The following KIFAP3 variants were observed in gnomAD, a reference collection of about 807,000 sequenced individuals.
KIFAP3 encodes kinesin associated protein 3.
Under a neutral mutation model 106.5 loss-of-function variants are expected in KIFAP3, and 68 were observed. The ratio of observed to expected loss-of-function variants is 0.64; its 90% CI spans 0.53 to 0.78. KIFAP3 has a LOEUF of 0.78. Among genes scored for constraint, KIFAP3 ranks in the 30% least tolerant of loss-of-function variants. KIFAP3 has a pLI of 0.00. For missense variants in KIFAP3, 780 were observed against 941.8 expected (o/e 0.83, Z 2.25); for synonymous variants, 320 against 311.5 (o/e 1.03, Z -0.29).
In KIFAP3 at chr1:170,016,387, T is replaced by G. The variant is rs1668518215; in HGVS notation, c.1183+75A>C. ...AGAATGCTTTTTGTTCAGGAGGCTT[T>G]TCAACACAGAGCTCAATTTTCCAGC... On this transcript the variant is annotated intron_variant, in intron 10 of 19. Transcript: ENST00000361580. 9.1e-6 allele frequency: 11 copies of G among 1,212,594 alleles called. No individual in the cohort carries two copies. In the South Asian group the frequency reaches 1.5e-4, roughly 17 times the overall value. The allele number at this position is 1,212,594 out of a possible 1,614,324, so 75.1% of individuals were successfully genotyped here. A position where few individuals can be genotyped will look rare whatever the true frequency, so the allele number is the denominator to read the frequency against.
At chr1:170,064,057 A>C (rs1166138312) in intron 1 of KIFAP3, among the ~76,000 whole-genome samples, 1 of 152,196 alleles carries the variant, frequency 6.6e-6, no homozygotes, top group African/African-American at 2.4e-5. Flanking sequence ...TTAACCAACT[A>C]TATCAAAATT....
At chr1:170,013,810 G>A (rs189556036) in intron 10 of KIFAP3, among the ~76,000 whole-genome samples, 48 of 152,126 alleles carry the variant, frequency 3.2e-4, no homozygotes, top group East Asian at 1.7e-3. Context: ...TAGGCATGGC[G>A]ATGTGATTTG....
At chr1:169,991,174 TATAAAAA>T (rs1229148407) in intron 11 of KIFAP3, among the ~76,000 whole-genome samples, 1 of 151,768 alleles carries the variant, frequency 6.6e-6, no homozygotes, top group African/African-American at 2.4e-5. Flanking sequence ...ACCCTGTCTG[TATAAAAA>T]ATAAAAAATA....
chr1:170,068,271 C>A (rs1161359140), intron 1 of KIFAP3: 3 of 152,048 alleles, frequency 2.0e-5, no homozygotes, highest in Admixed American at 6.6e-5. Context: ...GACTTTAAAT[C>A]AACTGTCTTA....
At chr1:169,923,175 T>TA (rs1176146663) in intron 19 of KIFAP3, 2 of 661,442 alleles carry the variant, frequency 3.0e-6, no homozygotes, top group Admixed American at 6.3e-5. Context: ...GGGGTCCTTC[T>TA]ATATAAAAAC....
upstream of KIFAP3, among the ~76,000 whole-genome samples, chr1:170,075,295 T>C (rs1037408387): frequency 3.9e-5 from 6 of 152,250 alleles, no homozygotes; most frequent in African/African-American, 1.4e-4. Context: ...TGTTCTCTGG[T>C]TTAAGATCTA....
At chr1:170,021,404 T>TA (rs1002385395) in intron 9 of KIFAP3, among the ~76,000 whole-genome samples, 77 of 142,960 alleles carry the variant, frequency 5.4e-4, no homozygotes, top group Non-Finnish European at 8.7e-4. Flanking sequence ...CAAAACTTAA[T>TA]AAAAAAAAAC....
intron 18 of KIFAP3, among the ~76,000 whole-genome samples, chr1:169,956,041 A>G (rs1664996420): frequency 6.6e-6 from 1 of 152,146 alleles, no homozygotes; most frequent in South Asian, 2.1e-4. Context: ...AGTGGCTAAA[A>G]CTAACAAACT....
At chr1:169,962,511 A>AT (rs1219631867) in intron 17 of KIFAP3, among the ~76,000 whole-genome samples, 1 of 152,152 alleles carries the variant, frequency 6.6e-6, no homozygotes, top group African/African-American at 2.4e-5. Flanking sequence ...TTCCTCTGTC[A>AT]TATCTTTAAA....
chr1:169,961,035 T>C lies in KIFAP3; in HGVS notation c.2173+11A>G. ...ATATAATAAACTGTTTACTTTCGCT[T>C]TGGTTATCACCTGAGTTGTAGAAAA... On this transcript the variant is annotated intron_variant, in intron 18 of 19. Transcript: ENST00000361580. 2.5e-6 allele frequency: 4 copies of C among 1,607,066 alleles called. No individual in the cohort carries two copies. The highest frequency in any genetic ancestry group is 2.6e-6 in the Non-Finnish European group (3 of 1,176,396).
chr1:170,018,504 A>C (rs960261392), intron 9 of KIFAP3, among the ~76,000 whole-genome samples: 1 of 151,376 alleles, frequency 6.6e-6, no homozygotes, highest in Non-Finnish European at 1.5e-5. Flanking sequence ...GCAATGGCAA[A>C]AAAAGAAATT....
In KIFAP3 at chr1:169,921,762, C is replaced by A; in HGVS notation, c.2293G>T (p.Gly765Cys). 6.2e-7 allele frequency: 1 copy of A among 1,613,352 alleles called. No homozygotes were observed. The highest frequency in any genetic ancestry group is 1.1e-5 in the South Asian group (1 of 91,048). The change falls in exon 20 of 20, where the codon GGC (glycine) becomes TGC (cysteine). Residue 765 changes from glycine to cysteine, a missense_variant. Coordinates refer to ENST00000361580, the MANE Select transcript of KIFAP3 (RefSeq NM_014970.4). ...FPGSLGMDGF[G>C]QPVGILGRPA... ...CGTCCAAGAATGCCAACTGGTTGGC[C>A]AAAGCCATCCATTCCAAGGCTAAAA...
intron 10 of KIFAP3, among the ~76,000 whole-genome samples, chr1:169,993,252 G>A (rs1042485851): frequency 1.3e-5 from 2 of 151,462 alleles, no homozygotes; most frequent in East Asian, 1.9e-4. Flanking sequence ...GGATTCAGGC[G>A]CCCACTACCA....
intron 11 of KIFAP3, among the ~76,000 whole-genome samples, chr1:169,987,872 A>G (rs1571612523): frequency 6.6e-6 from 1 of 152,278 alleles, no homozygotes; most frequent in East Asian, 1.9e-4. Context: ...CATGCATCTC[A>G]GAGGTCTAAA....
intron 19 of KIFAP3, among the ~76,000 whole-genome samples, chr1:169,949,500 TGCA>T (rs1664619985): frequency 6.6e-6 from 1 of 152,090 alleles, no homozygotes; most frequent in African/African-American, 2.4e-5. Context: ...CCATTTTTAC[TGCA>T]ACAAAAACTG....
chr1:170,027,081 G>C (rs534058163), intron 8 of KIFAP3, among the ~76,000 whole-genome samples: 1 of 134,660 alleles, frequency 7.4e-6, no homozygotes, highest in Non-Finnish European at 1.5e-5. Context: ...AATGCAATGC[G>C]TGACCTTGGC....
chr1:170,079,281 C>T (rs180831166), upstream of KIFAP3, among the ~76,000 whole-genome samples: 109 of 152,294 alleles, frequency 7.2e-4, 2 homozygotes, highest in Admixed American at 6.0e-3. Flanking sequence ...TCCCTTTCCC[C>T]GTCCATCTTG....
At chr1:169,962,562 G>A (rs1665395440) in intron 17 of KIFAP3, among the ~76,000 whole-genome samples, 1 of 152,124 alleles carries the variant, frequency 6.6e-6, no homozygotes, top group Admixed American at 6.6e-5. Flanking sequence ...TTAGAGGGAT[G>A]CAGGGTAATA....
At chr1:170,080,000 A>G (rs1001646440) in intron 1 of KIFAP3, among the ~76,000 whole-genome samples, 12 of 152,070 alleles carry the variant, frequency 7.9e-5, no homozygotes, top group Admixed American at 2.0e-4. Context: ...TTGAAAAACC[A>G]TATAGATTGG....
Sources: gnomAD v4.1 joint callset for allele counts (sites outside exome capture counted in the v4.1 genomes callset) on GRCh38, gnomAD v4.1.1 for gene constraint, MANE v1.5 for transcripts, NCBI Gene and HGNC (gene_info 2026-07-23, HGNC 2026-07-21) for gene names.